The following DEPTOR variants were observed in gnomAD, a reference collection of about 807,000 sequenced individuals.
The protein encoded by DEPTOR is DEP domain-containing mTOR-interacting protein.
In DEPTOR, 41 loss-of-function variants were observed where a neutral mutation model predicts 41.6. The observed-to-expected ratio is 0.98, with a 90% CI of 0.77 to 1.28. The LOEUF is 1.28. Ranked by LOEUF, DEPTOR falls within the 50% of genes most tolerant of loss-of-function variation. The probability of loss-of-function intolerance (pLI) is 0.00; values close to 1 mark genes in which losing one functional copy is unlikely to be tolerated. For synonymous variants in DEPTOR, 195 were observed against 192.3 expected (o/e 1.01, Z -0.12); for missense variants, 514 against 527.9 (o/e 0.97, Z 0.26).
chr8:119,914,719 C>T (rs1246743529), intron 1 of DEPTOR, among the ~76,000 whole-genome samples: 3 of 152,188 alleles, frequency 2.0e-5, no homozygotes, highest in Non-Finnish European at 4.4e-5. Flanking sequence ...GGATGACAGG[C>T]GTGAGCTTGC....
intron 3 of DEPTOR, among the ~76,000 whole-genome samples, chr8:119,935,449 G>A (rs555245385): frequency 1.3e-5 from 2 of 152,204 alleles, no homozygotes; most frequent in South Asian, 4.1e-4. Flanking sequence ...GGCCAGACAC[G>A]GTGGCTCACA....
At chr8:119,900,168 A>C (rs550416043) in intron 1 of DEPTOR, among the ~76,000 whole-genome samples, 1 of 151,666 alleles carries the variant, frequency 6.6e-6, no homozygotes, top group Admixed American at 6.6e-5. Flanking sequence ...AAGATACAAA[A>C]TATTAGCCAG....
At chr8:119,913,666 G>A (rs971102755) in intron 1 of DEPTOR, among the ~76,000 whole-genome samples, 5 of 152,156 alleles carry the variant, frequency 3.3e-5, no homozygotes. Flanking sequence ...ATAAAAACCT[G>A]AGAAGTTTGA....
chr8:120,000,257 C>A (rs1373352066), intron 4 of DEPTOR, among the ~76,000 whole-genome samples: 1 of 151,998 alleles, frequency 6.6e-6, no homozygotes, highest in Admixed American at 6.6e-5. Context: ...ATTTTCATCA[C>A]CTCAAAAAGA....
At chr8:119,957,578 TTTTC>T (rs1554676220) in intron 3 of DEPTOR, among the ~76,000 whole-genome samples, 3 of 150,640 alleles carry the variant, frequency 2.0e-5, no homozygotes, top group South Asian at 2.1e-4. Context: ...TCTATTTTTT[TTTTC>T]TTTCTTTCTT....
At chr8:119,950,790 G>T (rs1307361079) in intron 3 of DEPTOR, among the ~76,000 whole-genome samples, 2 of 152,052 alleles carry the variant, frequency 1.3e-5, no homozygotes, top group Non-Finnish European at 2.9e-5. Flanking sequence ...TAGAGATGGG[G>T]TTTTACCATG....
intron 8 of DEPTOR, among the ~76,000 whole-genome samples, chr8:120,029,149 G>T (rs1047876578): frequency 5.9e-5 from 9 of 151,728 alleles, no homozygotes; most frequent in African/African-American, 2.2e-4. Context: ...CATATGACAT[G>T]CAGGACACCT....
At chr8:119,978,342 C>T (rs2130010502) in intron 4 of DEPTOR, among the ~76,000 whole-genome samples, 1 of 152,270 alleles carries the variant, frequency 6.6e-6, no homozygotes. Context: ...AGAATGAGGT[C>T]TCAGGCTCGC....
intron 8 of DEPTOR, 59 bp downstream of exon 8, chr8:120,009,192 T>A: frequency 6.8e-7 from 1 of 1,467,614 alleles, no homozygotes; most frequent in Non-Finnish European, 9.4e-7. Flanking sequence ...CATGCTAAAT[T>A]GGCCATGATT....
chr8:119,901,408 G>A (rs1424592713), intron 1 of DEPTOR, among the ~76,000 whole-genome samples: 1 of 152,100 alleles, frequency 6.6e-6, no homozygotes, highest in East Asian at 1.9e-4. Context: ...CAGGCGTGGT[G>A]GCTCACACCT....
intron 6 of DEPTOR, among the ~76,000 whole-genome samples, chr8:120,003,454 C>A (rs1193261070): frequency 6.6e-6 from 1 of 152,076 alleles, no homozygotes; most frequent in Non-Finnish European, 1.5e-5. Context: ...AGGGCATGAC[C>A]TTGGGCAAAG....
intron 4 of DEPTOR, among the ~76,000 whole-genome samples, chr8:119,978,944 T>TCTCCCTGCTCCCTG (rs36212257): frequency 6.6e-6 from 1 of 150,468 alleles, no homozygotes; most frequent in Non-Finnish European, 1.5e-5. Flanking sequence ...CTATCTTCCC[T>TCTCCCTGCTCCCTG]CTCCCTGCTC....
chr8:119,940,075 A>G (rs1007582851), intron 3 of DEPTOR, among the ~76,000 whole-genome samples: 1 of 151,652 alleles, frequency 6.6e-6, no homozygotes, highest in Non-Finnish European at 1.5e-5. Flanking sequence ...AAATTATCCA[A>G]GCTTGGTGGT....
chr8:119,989,713 T>C (rs1333005138), intron 4 of DEPTOR, among the ~76,000 whole-genome samples: 1 of 152,266 alleles, frequency 6.6e-6, no homozygotes, highest in Non-Finnish European at 1.5e-5. Context: ...AGGCTATCTA[T>C]CACTCAGTAA....
intron 4 of DEPTOR, among the ~76,000 whole-genome samples, chr8:119,995,848 A>G (rs1454324028): frequency 6.6e-6 from 1 of 152,096 alleles, no homozygotes. Flanking sequence ...GTCACGTGTG[A>G]TTTATTGGTG....
intron 8 of DEPTOR, among the ~76,000 whole-genome samples, chr8:120,013,067 G>A (rs1586657769): frequency 6.7e-6 from 1 of 149,602 alleles, no homozygotes; most frequent in South Asian, 2.1e-4. Context: ...TGAGGCAGAA[G>A]AATCACATGA....
Position 119,910,850 on chromosome 8 carries a change from G to T in DEPTOR, c.123-17550G>T, listed in dbSNP as rs532714996. ...AAAGATGGCCTAAACATTTGACTACGTGAGTTAATGATGAGTAAGGGATAG... is the reference window on the plus strand; with the variant it reads ...AAAGATGGCCTAAACATTTGACTACTTGAGTTAATGATGAGTAAGGGATAG... On this transcript the variant is annotated intron_variant, in intron 1 of 8. Transcript: ENST00000286234. 3.3e-5 allele frequency among the ~76,000 whole-genome samples: 5 copies of T among 152,286 alleles called. No individual in the cohort carries two copies. In the South Asian group the frequency reaches 8.3e-4, roughly 25 times the overall value.
chr8:119,890,019 CA>C (rs1827431333), intron 1 of DEPTOR, among the ~76,000 whole-genome samples: 1 of 152,116 alleles, frequency 6.6e-6, no homozygotes, highest in Admixed American at 6.5e-5. Flanking sequence ...GGCTGGAGGG[CA>C]GTGGTGCAAT....
intron 4 of DEPTOR, among the ~76,000 whole-genome samples, chr8:119,973,610 T>A (rs923259804): frequency 3.9e-5 from 6 of 152,160 alleles, no homozygotes; most frequent in African/African-American, 1.4e-4. Context: ...TTAGCAGCCT[T>A]AAATGGAGGG....
Sources: gnomAD v4.1 joint callset for allele counts (sites outside exome capture counted in the v4.1 genomes callset) on GRCh38, gnomAD v4.1.1 for gene constraint, MANE v1.5 for transcripts, NCBI Gene and HGNC (gene_info 2026-07-23, HGNC 2026-07-21) for gene names.